The following GNG4 variants were observed in gnomAD, a reference collection of about 807,000 sequenced individuals.
GNG4 encodes guanine nucleotide-binding protein G(I)/G(S)/G(O) subunit gamma-4.
GNG4 carries 4 observed loss-of-function variants against 5.8 expected under a neutral mutation model. The observed-to-expected ratio is 0.69, with a 90% CI of 0.34 to 1.57. The LOEUF (loss-of-function observed/expected upper bound fraction) is 1.57. GNG4 is among the 40% of genes most tolerant of loss of function. GNG4 has a pLI of 0.06. For missense variants in GNG4, 96 were observed against 95.1 expected (o/e 1.01, Z -0.04); for synonymous variants, 29 against 32.9 (o/e 0.88, Z 0.41).
intron 3 of GNG4, among the ~76,000 whole-genome samples, chr1:235,581,037 C>A (rs1214399634): frequency 1.3e-5 from 2 of 152,100 alleles, no homozygotes; most frequent in Admixed American, 1.3e-4. Context: ...CAGGCGTCAG[C>A]CACCACATCT....
chr1:235,646,881 C>A (rs562540721), intron 1 of GNG4, among the ~76,000 whole-genome samples: 8 of 152,304 alleles, frequency 5.3e-5, no homozygotes, highest in African/African-American at 1.9e-4. Flanking sequence ...TAATTTTTTT[C>A]TTTCAGCAGC....
At chr1:235,623,071 A>G (rs1688742511) in intron 1 of GNG4, among the ~76,000 whole-genome samples, 1 of 151,668 alleles carries the variant, frequency 6.6e-6, no homozygotes. Flanking sequence ...GAGATGATCC[A>G]CTTCTCACAC....
chr1:235,620,598 T>G (rs970344425), intron 1 of GNG4, among the ~76,000 whole-genome samples: 1 of 152,036 alleles, frequency 6.6e-6, no homozygotes, highest in Non-Finnish European at 1.5e-5. Context: ...TGCAGTGGCG[T>G]GATCTCGGCT....
At chr1:235,562,659 G>GAAAAAAAAAAAAAAAAAAAAAAAAA (rs1318706984) in intron 3 of GNG4, among the ~76,000 whole-genome samples, 1 of 51,290 alleles carries the variant, frequency 1.9e-5, no homozygotes. Context: ...AAAAAAAAAA[G>GAAAAAAAAAAAAAAAAAAAAAAAAA]AAAAAAAAAA....
intron 2 of GNG4, among the ~76,000 whole-genome samples, chr1:235,593,260 A>G (rs988351573): frequency 6.6e-6 from 1 of 152,194 alleles, no homozygotes; most frequent in African/African-American, 2.4e-5. Flanking sequence ...GCTCTGTAAA[A>G]TTCTGATGGG....
intron 1 of GNG4, among the ~76,000 whole-genome samples, chr1:235,600,458 G>A (rs1443411146): frequency 1.3e-5 from 2 of 151,122 alleles, no homozygotes; most frequent in African/African-American, 2.4e-5. Context: ...GTGTGTGTAA[G>A]AGAGAGGGTC....
chr1:235,635,341 A>C (rs923913045), intron 1 of GNG4, among the ~76,000 whole-genome samples: 2 of 152,096 alleles, frequency 1.3e-5, no homozygotes, highest in Admixed American at 6.5e-5. Context: ...TACTAAAAAT[A>C]CAAAATGATT....
rs531509916 is a variant in GNG4, at chr1:235,648,050, T to A, written c.-123+1612A>T. Among the ~76,000 whole-genome samples, 1 of 151,848 alleles carries A rather than the reference T, an allele frequency of 6.6e-6. No homozygotes were observed. The highest frequency in any genetic ancestry group is 2.1e-4 in the South Asian group (1 of 4,808). Reference sequence around the variant, plus strand: ...TTTTTTTTTTCTGGTTTCTCCACCATCAGTTTGCATGAGAAACGCCAATCA... The same window carrying A: ...TTTTTTTTTTCTGGTTTCTCCACCAACAGTTTGCATGAGAAACGCCAATCA... On this transcript the variant is annotated intron_variant, in intron 1 of 3. Transcript: ENST00000391854. The surrounding 1 kb of genome is among the most constrained non-coding windows in gnomAD (Gnocchi z 5.0).
At chr1:235,558,712 G>A (rs1686982152) in intron 3 of GNG4, among the ~76,000 whole-genome samples, 1 of 152,166 alleles carries the variant, frequency 6.6e-6, no homozygotes, top group South Asian at 2.1e-4. Context: ...TCTTATTCTG[G>A]TAGAAAATTG....
intron 3 of GNG4, among the ~76,000 whole-genome samples, chr1:235,567,963 C>T (rs538828503): frequency 6.6e-6 from 1 of 152,230 alleles, no homozygotes; most frequent in South Asian, 2.1e-4. Flanking sequence ...CGGCTAACCA[C>T]AAACAGGCCC....
In GNG4 at chr1:235,630,699, A is replaced by G. The variant is rs549895955; in HGVS notation, c.-123+18963T>C. On this transcript the variant is annotated intron_variant, in intron 1 of 3. Coordinates refer to ENST00000391854, the MANE Select transcript of GNG4 (RefSeq NM_001098722.2). Reference sequence around the variant, plus strand: ...AATGACCTAGACGCATGGCCTGTAGACTTGAGGGACACGGGCTCTGGAAGA... The same window carrying G: ...AATGACCTAGACGCATGGCCTGTAGGCTTGAGGGACACGGGCTCTGGAAGA... 2.0e-5 allele frequency among the ~76,000 whole-genome samples: 3 copies of G among 152,294 alleles called. No individual in the cohort carries two copies. In the South Asian group the frequency reaches 6.2e-4, roughly 32 times the overall value.
In GNG4 at chr1:235,644,516, G is replaced by A. The variant is rs1173553033; in HGVS notation, c.-123+5146C>T. On this transcript the variant is annotated intron_variant, in intron 1 of 3. Coordinates refer to ENST00000391854, the MANE Select transcript of GNG4 (RefSeq NM_001098722.2). This position sits in a 1 kb window ranked among gnomAD's most constrained non-coding sequence, Gnocchi z 5.9. ...GTCAAACACATGCACGGTGTAGACTGAAGTCATCAGGTCTCCTTAACCAGG... is the reference window on the plus strand; with the variant it reads ...GTCAAACACATGCACGGTGTAGACTAAAGTCATCAGGTCTCCTTAACCAGG... Among the ~76,000 whole-genome samples, 2 of 152,180 alleles carry A rather than the reference G, an allele frequency of 1.3e-5. No homozygotes were observed. The highest frequency in any genetic ancestry group is 2.1e-4 in the South Asian group (1 of 4,830).
chr1:235,630,097 C>A (rs1043379094), intron 1 of GNG4, among the ~76,000 whole-genome samples: 1 of 152,044 alleles, frequency 6.6e-6, no homozygotes, highest in Non-Finnish European at 1.5e-5. Flanking sequence ...ATAATTTTTC[C>A]AGGGTAGATA....
Position 235,551,684 on chromosome 1 carries a change from A to G in GNG4, c.*425T>C, listed in dbSNP as rs115691204. The G allele has an allele frequency of 1.3e-5, 2 of 153,860 alleles. No homozygotes were observed. The highest frequency in any genetic ancestry group is 2.9e-5 in the Non-Finnish European group (2 of 69,220). 9.5% of individuals were successfully genotyped at this position (153,860 alleles called of 1,614,324 possible). A position where few individuals can be genotyped will look rare whatever the true frequency, so the allele number is the denominator to read the frequency against. On this transcript the variant is annotated 3_prime_UTR_variant, in exon 4 of 4. Coordinates refer to ENST00000391854, the MANE Select transcript of GNG4 (RefSeq NM_001098722.2). ...CTCCAGGAAAGGAGATGAAAACGTT[A>G]TATGTTTCAGTTGGTCAAAATGCTC... is the stretch of plus-strand genomic sequence containing the variant.
Position 235,551,091 on chromosome 1 carries a change from C to T in GNG4, c.*1018G>A. 6.6e-6 allele frequency: 1 copy of T among 152,348 alleles called. No individual in the cohort carries two copies. The highest frequency in any genetic ancestry group is 1.9e-4 in the East Asian group (1 of 5,194). The allele number at this position is 152,348 out of a possible 1,614,324, so 9.4% of individuals were successfully genotyped here. ...GGCATTTGGAGAGGGGAGACCGCACCCACAGGTCTGCCACAGCGCGTCAAC... is the reference window on the plus strand; with the variant it reads ...GGCATTTGGAGAGGGGAGACCGCACTCACAGGTCTGCCACAGCGCGTCAAC... On this transcript the variant is annotated 3_prime_UTR_variant, in exon 4 of 4. Transcript: ENST00000391854.
intron 1 of GNG4, among the ~76,000 whole-genome samples, chr1:235,617,953 A>G (rs1688632415): frequency 6.6e-6 from 1 of 152,022 alleles, no homozygotes; most frequent in South Asian, 2.1e-4. Flanking sequence ...CTGCCTCCCT[A>G]AAAGCACATT....
chr1:235,612,481 G>A (rs752102585), intron 1 of GNG4, among the ~76,000 whole-genome samples: 106 of 152,140 alleles, frequency 7.0e-4, no homozygotes, highest in Non-Finnish European at 1.0e-3. Flanking sequence ...TTTCACAAGC[G>A]TCACTGTCTT....
intron 1 of GNG4, among the ~76,000 whole-genome samples, chr1:235,633,210 G>A (rs755091867): frequency 5.9e-5 from 9 of 152,194 alleles, no homozygotes; most frequent in Non-Finnish European, 1.2e-4. Context: ...TGGTCCCTGC[G>A]ATATGGTTGT....
chr1:235,599,229 G>A (rs1688194664), intron 1 of GNG4, among the ~76,000 whole-genome samples: 1 of 152,134 alleles, frequency 6.6e-6, no homozygotes, highest in South Asian at 2.1e-4. Context: ...ATCCCCTGGA[G>A]CTCGTTAGCA....
Sources: allele counts gnomAD v4.1 joint callset (sites outside exome capture counted in the v4.1 genomes callset), GRCh38; gene constraint gnomAD v4.1.1; non-coding constraint Gnocchi (gnomAD v3.1); transcripts MANE v1.5; gene names NCBI Gene and HGNC (gene_info 2026-07-23, HGNC 2026-07-21).